Variants in KIRREL3 observed in about 807,000 individuals in gnomAD.
The protein encoded by KIRREL3 is kirre like nephrin family adhesion molecule 3.
KIRREL3 carries 36 observed loss-of-function variants against 89.7 expected under a neutral mutation model. The ratio of observed to expected loss-of-function variants is 0.40; its 90% confidence interval spans 0.31 to 0.53. The LOEUF (loss-of-function observed/expected upper bound fraction) is 0.53, where lower values mean the gene tolerates loss of function less well. Among genes scored for constraint, KIRREL3 ranks in the 20% least tolerant of loss-of-function variants. KIRREL3 has a pLI of 0.49. For missense variants in KIRREL3, 864 were observed against 1,056.6 expected (o/e 0.82, Z 2.53); for synonymous variants, 445 against 441.4 (o/e 1.01, Z -0.10).
In KIRREL3 at chr11:126,752,836, G is replaced by A. The variant is rs1231493187; in HGVS notation, c.56-189924C>T. 6.6e-6 allele frequency among the ~76,000 whole-genome samples: 1 copy of A among 152,176 alleles called. No individual in the cohort carries two copies. Among genetic ancestry groups the A allele is most frequent in the Non-Finnish European group, 1.5e-5 (1 of 68,034 alleles). Reference sequence around the variant, plus strand: ...GAAATGGAGCTGGAAAGGTGGTGTTGGAGGCACGGAAATGTTGATGGAGAA... The same window carrying A: ...GAAATGGAGCTGGAAAGGTGGTGTTAGAGGCACGGAAATGTTGATGGAGAA... On this transcript the variant is annotated intron_variant, in intron 1 of 16. Transcript: ENST00000525144. The surrounding 1 kb of genome is among the most constrained non-coding windows in gnomAD (Gnocchi z 4.8).
rs529338038 is a variant in KIRREL3 at position 126,538,348 on chromosome 11, G to C, written c.134-11661C>G. The stretch of plus-strand genomic sequence containing the variant: ...CTGGAGCTTGTAAATTGCCTCTTAT[G>C]AGATTAAGGGAAGCTGCCCCTCCAG... On this transcript the variant is annotated intron_variant, in intron 2 of 16. Transcript: ENST00000525144. Among the ~76,000 whole-genome samples the C allele has an allele frequency of 1.6e-3, 240 of 152,332 alleles. 1 individual carries two copies. Among genetic ancestry groups the C allele is most frequent in the Non-Finnish European group, 3.0e-3 (202 of 68,026 alleles).
intron 1 of KIRREL3, among the ~76,000 whole-genome samples, chr11:126,907,392 G>A (rs191714157): frequency 2.0e-5 from 3 of 152,298 alleles, no homozygotes; most frequent in Admixed American, 2.0e-4. Context: ...TGTGAAGGCT[G>A]CGATAGAGAG....
At chr11:126,856,623 T>A (rs1204656212) in intron 1 of KIRREL3, among the ~76,000 whole-genome samples, 1 of 147,904 alleles carries the variant, frequency 6.8e-6, no homozygotes, top group African/African-American at 2.5e-5. Context: ...ACATATATTT[T>A]TTTTTTCTTT....
At chr11:126,923,190 T>TTCTTCTTCTTC (rs1947469713) in intron 1 of KIRREL3, among the ~76,000 whole-genome samples, 4 of 10,356 alleles carry the variant, frequency 3.9e-4, no homozygotes, top group Non-Finnish European at 6.0e-4. Flanking sequence ...TCTTCTTCTC[T>TTCTTCTTCTTC]TCTTCTTCTT....
rs1032186798 is a variant in KIRREL3 at position 126,904,292 on chromosome 11, G to A, written c.55+96163C>T. 1.8e-4 allele frequency among the ~76,000 whole-genome samples: 28 copies of A among 152,160 alleles called. No individual in the cohort carries two copies. The highest frequency in any genetic ancestry group is 2.4e-4 in the Non-Finnish European group (16 of 68,040). On this transcript the variant is annotated intron_variant, in intron 1 of 16. Transcript: ENST00000525144. The surrounding 1 kb of genome is among the most constrained non-coding windows in gnomAD (Gnocchi z 4.4). ...ATAGATGGTTTAAATCTACATTCAAGGTAAATGTCTGTATTTTATGGCCCG... is the reference window on the plus strand; with the variant it reads ...ATAGATGGTTTAAATCTACATTCAAAGTAAATGTCTGTATTTTATGGCCCG...
At chr11:126,604,939 C>G (rs543203508) in intron 1 of KIRREL3, among the ~76,000 whole-genome samples, 3 of 152,354 alleles carry the variant, frequency 2.0e-5, no homozygotes, top group Admixed American at 2.0e-4. Context: ...CTATCTCCCT[C>G]ATAGCACACT....
chr11:126,558,579 G>C lies in KIRREL3; in HGVS notation c.133+4256C>G, dbSNP rs116961376. Among the ~76,000 whole-genome samples, 242 of 152,326 alleles carry C rather than the reference G, an allele frequency of 1.6e-3. No homozygotes were observed. The highest frequency in any genetic ancestry group is 2.5e-3 in the Non-Finnish European group (170 of 68,026). On this transcript the variant is annotated intron_variant, in intron 2 of 16. Transcript: ENST00000525144. The surrounding 1 kb of genome is among the most constrained non-coding windows in gnomAD (Gnocchi z 4.0). ...TTGCTGCATGCTCTTGGGCCATGCT[G>C]TGTTATTGGGTTGCACTGTAATCTC...
rs80268071 is a variant in KIRREL3 at position 126,732,677 on chromosome 11, G to A, written c.56-169765C>T. 3.7e-3 allele frequency among the ~76,000 whole-genome samples: 560 copies of A among 152,294 alleles called. 2 individuals are homozygous for A. The highest frequency in any genetic ancestry group is 0.013 in the African/African-American group (534 of 41,560). On this transcript the variant is annotated intron_variant, in intron 1 of 16. Transcript: ENST00000525144. ...GCTCTGAACCAGGACACCATCTCTG[G>A]GTTGGTGGCCATCTGAGAAAACATG...
intron 3 of KIRREL3, among the ~76,000 whole-genome samples, chr11:126,524,197 C>G (rs562386717): frequency 6.6e-6 from 1 of 152,286 alleles, no homozygotes; most frequent in African/African-American, 2.4e-5. Context: ...GTGCCAGTCC[C>G]CATTTTATGG....
At chr11:126,902,138 A>G (rs1323918569) in intron 1 of KIRREL3, among the ~76,000 whole-genome samples, 1 of 152,204 alleles carries the variant, frequency 6.6e-6, no homozygotes, top group Non-Finnish European at 1.5e-5. Flanking sequence ...GGCTTGTTCC[A>G]GTGGTCTCAT....
chr11:126,690,319 T>A (rs1946829948), intron 1 of KIRREL3, among the ~76,000 whole-genome samples: 1 of 152,014 alleles, frequency 6.6e-6, no homozygotes, highest in Admixed American at 6.5e-5. Context: ...AACCATTTCT[T>A]TGGCTCCAGG....
rs1957305724 is a variant in KIRREL3 at position 126,484,741 on chromosome 11, TC to T, written c.434-11276del. 6.6e-6 allele frequency among the ~76,000 whole-genome samples: 1 copy of T among 152,076 alleles called. No homozygotes were observed. The highest frequency in any genetic ancestry group is 2.1e-4 in the South Asian group (1 of 4,822). ...TGATTTAATTAATGTAGGTGTGCTT[TC>T]CCCCTCTTCAGACCCTCCCCGCCTC... is the stretch of plus-strand genomic sequence containing the variant. On this transcript the variant is annotated intron_variant, in intron 4 of 16. Transcript: ENST00000525144. This position sits in a 1 kb window ranked among gnomAD's most constrained non-coding sequence, Gnocchi z 5.2.
intron 1 of KIRREL3, among the ~76,000 whole-genome samples, chr11:126,597,342 G>A (rs971616524): frequency 1.6e-4 from 24 of 152,226 alleles, no homozygotes; most frequent in African/African-American, 5.8e-4. Context: ...CATCAGTGCT[G>A]AGGAGTCGAC....
intron 1 of KIRREL3, among the ~76,000 whole-genome samples, chr11:126,714,188 C>A (rs1196609154): frequency 6.6e-6 from 1 of 152,188 alleles, no homozygotes; most frequent in Non-Finnish European, 1.5e-5. Context: ...ACCTTACCTG[C>A]CTTACACAGT....
chr11:126,726,637 G>A (rs1278070908), intron 1 of KIRREL3, among the ~76,000 whole-genome samples: 2 of 152,100 alleles, frequency 1.3e-5, no homozygotes, highest in East Asian at 3.9e-4. Flanking sequence ...CAAAGTGCTA[G>A]GATAACAGGT....
chr11:126,762,170 C>CTAA (rs67128868), intron 1 of KIRREL3, among the ~76,000 whole-genome samples: 2,701 of 151,266 alleles, frequency 0.018, 84 homozygotes, highest in African/African-American at 0.056. Flanking sequence ...GTGAGACTGT[C>CTAA]ATAAATAAAT....
Position 126,879,678 on chromosome 11 carries a change from C to T in KIRREL3, c.55+120777G>A, listed in dbSNP as rs1043667502. 2.6e-5 allele frequency among the ~76,000 whole-genome samples: 4 copies of T among 152,190 alleles called. No homozygotes were observed. Among genetic ancestry groups the T allele is most frequent in the African/African-American group, 9.7e-5 (4 of 41,448 alleles). On this transcript the variant is annotated intron_variant, in intron 1 of 16. Coordinates refer to ENST00000525144, the MANE Select transcript of KIRREL3 (RefSeq NM_032531.4). This position sits in a 1 kb window ranked among gnomAD's most constrained non-coding sequence, Gnocchi z 5.4. ...GCCTCTCAAAAGAATGGAGAGATAG[C>T]CTTGATATTTGTGGTTCAGTCATTT...
rs1202914555 is a variant in KIRREL3, at chr11:126,684,536, C to T, written c.56-121624G>A. ...CTGCCATGCTATGATTTCATCTGGC[C>T]GATGTGTCACTTCAGTATTCTGATG... On this transcript the variant is annotated intron_variant, in intron 1 of 16. Transcript: ENST00000525144. This position sits in a 1 kb window ranked among gnomAD's most constrained non-coding sequence, Gnocchi z 4.2. 2.6e-5 allele frequency among the ~76,000 whole-genome samples: 4 copies of T among 152,110 alleles called. No homozygotes were observed. The highest frequency in any genetic ancestry group is 9.7e-5 in the African/African-American group (4 of 41,418).
rs1324543584 is a variant in KIRREL3, at chr11:126,811,665, C to T, written c.55+188790G>A. Among the ~76,000 whole-genome samples the T allele has an allele frequency of 6.6e-6, 1 of 152,164 alleles. No homozygotes were observed. Among genetic ancestry groups the T allele is most frequent in the Non-Finnish European group, 1.5e-5 (1 of 68,036 alleles). ...GGAATGGCATGATCTCAGCTCATTG[C>T]AACCTCTGCCTCCTAGGTTCAAGAG... is the stretch of plus-strand genomic sequence containing the variant. On this transcript the variant is annotated intron_variant, in intron 1 of 16. Coordinates refer to ENST00000525144, the MANE Select transcript of KIRREL3 (RefSeq NM_032531.4). This position sits in a 1 kb window ranked among gnomAD's most constrained non-coding sequence, Gnocchi z 4.3.
Sources: gnomAD v4.1 joint callset for allele counts (sites outside exome capture counted in the v4.1 genomes callset) on GRCh38, gnomAD v4.1.1 for gene constraint, Gnocchi (gnomAD v3.1) non-coding constraint, MANE v1.5 for transcripts, NCBI Gene and HGNC (gene_info 2026-07-23, HGNC 2026-07-21) for gene names.